The following KCNE2 variants were observed in gnomAD, a reference collection of about 807,000 sequenced individuals.
KCNE2 encodes the protein potassium voltage-gated channel subfamily E member 2.
Under a neutral mutation model 4.5 loss-of-function variants are expected in KCNE2, and 4 were observed. The ratio of observed to expected loss-of-function variants is 0.89; its 90% confidence interval spans 0.44 to 2.03. The LOEUF (loss-of-function observed/expected upper bound fraction) is 2.03, where lower values mean the gene tolerates loss of function less well. Ranked by LOEUF, KCNE2 falls within the 30% of genes most tolerant of loss-of-function variation. KCNE2 has a pLI of 0.03. For missense variants in KCNE2, 137 were observed against 151.4 expected, an observed-to-expected ratio of 0.90 and a Z score of 0.50; for synonymous variants, 57 against 55.9, an observed-to-expected ratio of 1.02 and a Z score of -0.09.
At chr21:34,367,977 G>T (rs998201124) in intron 1 of KCNE2, among the ~76,000 whole-genome samples, 2 of 151,836 alleles carry the variant, frequency 1.3e-5, no homozygotes. Context: ...CTCTTTGCAC[G>T]TTGCATTGTC....
At chr21:34,368,148 T>C (rs938974668) in intron 1 of KCNE2, among the ~76,000 whole-genome samples, 2 of 144,098 alleles carry the variant, frequency 1.4e-5, no homozygotes, top group Non-Finnish European at 3.0e-5. Context: ...CTAGACAAAG[T>C]TGGCAGACAT....
At chr21:34,366,805 C>T (rs1187116136) in intron 1 of KCNE2, among the ~76,000 whole-genome samples, 3 of 151,156 alleles carry the variant, frequency 2.0e-5, no homozygotes, top group Admixed American at 6.6e-5. Context: ...TGGTGAAACC[C>T]CGTCTGTACT....
At chr21:34,367,475 AATCT>A (rs1206304092) in intron 1 of KCNE2, among the ~76,000 whole-genome samples, 11 of 152,290 alleles carry the variant, frequency 7.2e-5, no homozygotes, top group African/African-American at 2.6e-4. Flanking sequence ...ACCCTGGGGC[AATCT>A]TATCTATTTG....
In KCNE2 at chr21:34,370,771, G is replaced by C. The variant is rs1333677285; in HGVS notation, c.293G>C (p.Ser98Thr). 1.2e-6 allele frequency: 2 copies of C among 1,614,152 alleles called. No individual in the cohort carries two copies. Among genetic ancestry groups the C allele is most frequent in the Admixed American group, 3.3e-5 (2 of 60,026 alleles). ...IVEDWQEKYK[S>T]QILNLEESKA... ...GAGGACTGGCAGGAAAAGTACAAGA[G>C]CCAAATCTTGAATCTAGAAGAATCG... The change falls in exon 2 of 2, where the codon AGC (serine) becomes ACC (threonine). Residue 98 changes from serine (S) to threonine (T), a missense_variant. Coordinates refer to ENST00000290310, the MANE Select transcript of KCNE2 (RefSeq NM_172201.2).
At chr21:34,364,322 T>A (rs775470229) in intron 1 of KCNE2, among the ~76,000 whole-genome samples, 171 bp downstream of exon 1, 2 of 152,222 alleles carry the variant, frequency 1.3e-5, no homozygotes, top group Non-Finnish European at 2.9e-5. Flanking sequence ...CTTTGTTAAT[T>A]GCCTTAGAAT....
intron 1 of KCNE2, among the ~76,000 whole-genome samples, chr21:34,365,651 C>T (rs1302074299): frequency 6.6e-6 from 1 of 152,218 alleles, no homozygotes; most frequent in African/African-American, 2.4e-5. Context: ...TCTCGAACTC[C>T]TGGGTTCAAG....
intron 1 of KCNE2, among the ~76,000 whole-genome samples, chr21:34,366,750 TG>T (rs1372971582): frequency 2.0e-5 from 3 of 149,906 alleles, no homozygotes; most frequent in East Asian, 4.0e-4. Context: ...GAGGCCAAGG[TG>T]GGCGGATCAC....
intron 1 of KCNE2, among the ~76,000 whole-genome samples, chr21:34,369,829 A>G (rs1979502333): frequency 6.6e-6 from 1 of 152,230 alleles, no homozygotes; most frequent in East Asian, 1.9e-4. Context: ...TACTTGGGAC[A>G]ATGTGCCACT....
intron 1 of KCNE2, among the ~76,000 whole-genome samples, chr21:34,368,889 G>A (rs1329162031): frequency 6.6e-6 from 1 of 152,148 alleles, no homozygotes; most frequent in Non-Finnish European, 1.5e-5. Context: ...TGAAGAAAAA[G>A]GAGATGCTGT....
In KCNE2 at chr21:34,368,197, TCACACA is replaced by T. The variant is rs534677357; in HGVS notation, c.-12-2243_-12-2238del. On this transcript the variant is annotated intron_variant, in intron 1 of 1. Transcript: ENST00000290310. Reference sequence around the variant, plus strand: ...AAAAGATGAGCCCCTAAACCAATAATCACACACACACACACACACACACACACACAC... The same window carrying T: ...AAAAGATGAGCCCCTAAACCAATAATCACACACACACACACACACACACAC... 3.9e-3 allele frequency among the ~76,000 whole-genome samples: 362 copies of T among 92,578 alleles called. 1 individual carries two copies. Among genetic ancestry groups the T allele is most frequent in the Non-Finnish European group, 4.7e-3 (234 of 50,250 alleles). 60.7% of individuals were successfully genotyped at this position (92,578 alleles called of 152,430 possible).
Position 34,370,679 on chromosome 21 carries a change from C to G in KCNE2, c.201C>G (p.Ile67Met). The change falls in exon 2 of 2, where the codon ATC (isoleucine) becomes ATG (methionine). Residue 67 changes from isoleucine (I) to methionine (M), a missense_variant. Ile to Met is a conservative substitution (Grantham distance 10). Coordinates refer to ENST00000290310, the MANE Select transcript of KCNE2 (RefSeq NM_172201.2). ...IGMFSFIIVAILVSTVKSKRR... is the reference protein window; with the variant it reads ...IGMFSFIIVAMLVSTVKSKRR... ...TGTTCTCTTTCATCATCGTGGCCATCCTGGTGAGCACTGTGAAATCCAAGA... is the reference window on the plus strand; with the variant it reads ...TGTTCTCTTTCATCATCGTGGCCATGCTGGTGAGCACTGTGAAATCCAAGA... 2.5e-6 allele frequency: 4 copies of G among 1,614,192 alleles called. No individual in the cohort carries two copies. The highest frequency in any genetic ancestry group is 1.3e-5 in the African/African-American group (1 of 75,046).
chr21:34,370,948 G>T lies in KCNE2; in HGVS notation c.*98G>T. 1.4e-6 allele frequency: 2 copies of T among 1,473,014 alleles called. No homozygotes were observed. The highest frequency in any genetic ancestry group is 1.2e-5 in the South Asian group (1 of 85,624). The allele number at this position is 1,473,014 out of a possible 1,614,324, so 91.2% of individuals were successfully genotyped here. A position where few individuals can be genotyped will look rare whatever the true frequency, so the allele number is the denominator to read the frequency against. On this transcript the variant is annotated 3_prime_UTR_variant, in exon 2 of 2. Coordinates refer to ENST00000290310, the MANE Select transcript of KCNE2 (RefSeq NM_172201.2). The stretch of plus-strand genomic sequence containing the variant: ...AAATTGTCTTTGCTTAGAAGAAAGT[G>T]AGTTCCTTGCTCTCTGTTGAGAATT...
intron 1 of KCNE2, among the ~76,000 whole-genome samples, chr21:34,365,067 C>T (rs1979236241): frequency 6.6e-6 from 1 of 152,182 alleles, no homozygotes; most frequent in African/African-American, 2.4e-5. Flanking sequence ...GTGCTGGACA[C>T]TGGCTTGGGT....
In KCNE2 at chr21:34,370,500, A is replaced by G. The variant is rs2234916; in HGVS notation, c.22A>G (p.Thr8Ala). The G allele has an allele frequency of 5.5e-3, 8,816 of 1,614,180 alleles. 42 individuals are homozygous for G. The highest frequency in any genetic ancestry group is 8.9e-3 in the Middle Eastern group (54 of 6,062). Reference sequence around the variant, plus strand: ...AAGCATGTCTACTTTATCCAATTTCACACAGACGCTGGAAGACGTCTTCCG... The same window carrying G: ...AAGCATGTCTACTTTATCCAATTTCGCACAGACGCTGGAAGACGTCTTCCG... MSTLSNF[T>A]QTLEDVFRRI... Residue 8 changes from threonine to alanine, a missense_variant, in exon 2 of 2, where the codon ACA becomes GCA. Thr to Ala is a moderately conservative substitution (Grantham distance 58). Coordinates refer to ENST00000290310, the MANE Select transcript of KCNE2 (RefSeq NM_172201.2).
chr21:34,367,841 C>T (rs1979376139), intron 1 of KCNE2, among the ~76,000 whole-genome samples: 1 of 152,100 alleles, frequency 6.6e-6, no homozygotes, highest in Non-Finnish European at 1.5e-5. Context: ...TTACTAGTGG[C>T]TAGTCACAGG....
chr21:34,366,674 T>C (rs1280702232), intron 1 of KCNE2, among the ~76,000 whole-genome samples: 1 of 151,870 alleles, frequency 6.6e-6, no homozygotes, highest in Non-Finnish European at 1.5e-5. Context: ...ACACAATACA[T>C]GGGTAATTCA....
At chr21:34,368,215 ACACACACACACAC>A (rs1979393562) in intron 1 of KCNE2, among the ~76,000 whole-genome samples, 1 of 95,958 alleles carries the variant, frequency 1.0e-5, no homozygotes, top group East Asian at 3.1e-4. Context: ...ACACACACAC[ACACACACACACAC>A]AATATATATA....
intron 1 of KCNE2, among the ~76,000 whole-genome samples, chr21:34,366,812 T>C (rs975363727): frequency 2.0e-5 from 3 of 151,144 alleles, no homozygotes. Context: ...ACCCCGTCTG[T>C]ACTAAAAATA....
At chr21:34,368,438 A>G (rs1455245781) in intron 1 of KCNE2, among the ~76,000 whole-genome samples, 1 of 151,770 alleles carries the variant, frequency 6.6e-6, no homozygotes, top group African/African-American at 2.4e-5. Flanking sequence ...GTCTCTACTA[A>G]AAATACAAAA....
Sources: allele counts gnomAD v4.1 joint callset (sites outside exome capture counted in the v4.1 genomes callset), GRCh38; gene constraint gnomAD v4.1.1; transcripts MANE v1.5; gene names NCBI Gene and HGNC (gene_info 2026-07-23, HGNC 2026-07-21).